Variants in RAB2A observed in about 807,000 individuals in gnomAD.
RAB2A encodes the protein RAB2A, member RAS oncogene family.
Under a neutral mutation model 32.5 loss-of-function variants are expected in RAB2A, and 7 were observed. That is an observed-to-expected ratio of 0.22 (90% CI 0.12 to 0.40). The LOEUF is 0.40. RAB2A is among the 10% of genes least tolerant of loss of function. The pLI, the probability that RAB2A is intolerant of heterozygous loss-of-function variation, is 1.00. For missense variants in RAB2A, 108 were observed against 260.7 expected (o/e 0.41, Z 4.03); for synonymous variants, 79 against 85.2 (o/e 0.93, Z 0.40).
intron 6 of RAB2A, among the ~76,000 whole-genome samples, chr8:60,594,873 G>A (rs1025103548): frequency 5.6e-4 from 85 of 152,156 alleles, no homozygotes; most frequent in African/African-American, 2.0e-3. Flanking sequence ...TCTTAATCCA[G>A]TCTACCATTG....
In RAB2A at chr8:60,591,892, G is replaced by T; in HGVS notation, c.397G>T (p.Glu133Ter). ...ATCTAGAAGAGAAGTAAAAAAAGAA[G>T]AAGGTGAAGCTTTTGCACGAGAACA... ...LESRREVKKEEGEAFAREHGL... is the reference protein window; with the variant it reads ...LESRREVKKE The change falls in exon 6 of 8, where the codon GAA becomes TAA. Residue 133 changes from glutamate (E) to a stop codon, truncating the protein, a stop_gained. Coordinates refer to ENST00000262646, the MANE Select transcript of RAB2A (RefSeq NM_002865.3). LOFTEE classifies it high-confidence loss of function. 1 of 1,612,564 alleles carries T rather than the reference G, an allele frequency of 6.2e-7. No individual in the cohort carries two copies. Among genetic ancestry groups the T allele is most frequent in the Non-Finnish European group, 8.5e-7 (1 of 1,178,950 alleles).
chr8:60,602,682 G>T (rs1364186493), intron 6 of RAB2A, among the ~76,000 whole-genome samples: 2 of 152,178 alleles, frequency 1.3e-5, no homozygotes, highest in Non-Finnish European at 2.9e-5. Flanking sequence ...GAATTATCCT[G>T]CAGAATTAGA....
chr8:60,560,022 T>A (rs1446199681), intron 2 of RAB2A, among the ~76,000 whole-genome samples: 1 of 152,224 alleles, frequency 6.6e-6, no homozygotes, highest in Non-Finnish European at 1.5e-5. Context: ...CTTTTGATAG[T>A]TTTAAGTGTA....
At chr8:60,526,841 C>T (rs761890281) in intron 1 of RAB2A, among the ~76,000 whole-genome samples, 17 of 152,006 alleles carry the variant, frequency 1.1e-4, no homozygotes, top group East Asian at 1.9e-4. Context: ...TGGCGGCATG[C>T]GCCTGTAATC....
intron 5 of RAB2A, among the ~76,000 whole-genome samples, chr8:60,590,138 T>G (rs1187975306): frequency 6.6e-6 from 1 of 152,056 alleles, no homozygotes; most frequent in Non-Finnish European, 1.5e-5. Context: ...ATTTTTGTAT[T>G]TTTGTAGAGA....
intron 3 of RAB2A, among the ~76,000 whole-genome samples, chr8:60,575,518 G>T (rs1414545140): frequency 6.6e-6 from 1 of 152,074 alleles, no homozygotes; most frequent in Non-Finnish European, 1.5e-5. Flanking sequence ...GGTAGCAAGG[G>T]TTATGTCTAT....
intron 1 of RAB2A, among the ~76,000 whole-genome samples, chr8:60,545,798 A>G (rs1203855175): frequency 6.6e-6 from 1 of 152,244 alleles, no homozygotes; most frequent in Non-Finnish European, 1.5e-5. Context: ...TATATCCAAG[A>G]TATCCACACC....
rs1022992864 is a variant in RAB2A, at chr8:60,589,734, T to G, written c.363-2124T>G. On this transcript the variant is annotated intron_variant, in intron 5 of 7. Coordinates refer to ENST00000262646, the MANE Select transcript of RAB2A (RefSeq NM_002865.3). ...TGTAATGCCTGGAAAACTGAGGTAT[T>G]TTTAAAACTTTGCACTAAGTATATC... 7.2e-5 allele frequency among the ~76,000 whole-genome samples: 11 copies of G among 152,304 alleles called. No homozygotes were observed. The South Asian group carries it at 1.5e-3, about 20-fold the overall frequency.
chr8:60,612,661 G>A (rs762827651), intron 6 of RAB2A, among the ~76,000 whole-genome samples: 1 of 152,154 alleles, frequency 6.6e-6, no homozygotes, highest in Non-Finnish European at 1.5e-5. Flanking sequence ...AATTATGTGT[G>A]GTCTTGGGCA....
intron 2 of RAB2A, among the ~76,000 whole-genome samples, chr8:60,560,936 C>T (rs1338244038): frequency 4.6e-5 from 7 of 152,110 alleles, no homozygotes; most frequent in Non-Finnish European, 8.8e-5. Flanking sequence ...TATAAACTGC[C>T]AGCTGGCGTC....
intron 2 of RAB2A, among the ~76,000 whole-genome samples, chr8:60,563,820 GCTA>G (rs1380708226): frequency 6.6e-6 from 1 of 151,952 alleles, no homozygotes; most frequent in African/African-American, 2.4e-5. Flanking sequence ...CTCTTGTGTT[GCTA>G]CTTTCCTCCT....
In RAB2A at chr8:60,531,648, A is replaced by G. The variant is rs560353726; in HGVS notation, c.46+14395A>G. Among the ~76,000 whole-genome samples the G allele has an allele frequency of 4.4e-4, 67 of 152,136 alleles. 1 individual carries two copies. The highest frequency in any genetic ancestry group is 9.6e-4 in the African/African-American group (40 of 41,528). ...CCACAAAATGGCTCTCCTTGATTCTATTGTCCTCCATGACTCAATAAAAGA... is the reference window on the plus strand; with the variant it reads ...CCACAAAATGGCTCTCCTTGATTCTGTTGTCCTCCATGACTCAATAAAAGA... On this transcript the variant is annotated intron_variant, in intron 1 of 7. Transcript: ENST00000262646.
intron 2 of RAB2A, among the ~76,000 whole-genome samples, chr8:60,566,839 C>T (rs1226043105): frequency 6.6e-6 from 1 of 152,158 alleles, no homozygotes; most frequent in Non-Finnish European, 1.5e-5. Flanking sequence ...TTAGCTCCTA[C>T]TTTATAAGCA....
At chr8:60,612,723 A>G (rs1804372947) in intron 6 of RAB2A, among the ~76,000 whole-genome samples, 1 of 152,222 alleles carries the variant, frequency 6.6e-6, no homozygotes, top group Non-Finnish European at 1.5e-5. Context: ...AGAAAATTAT[A>G]GATTGTAGAT....
At chr8:60,550,540 G>T (rs1267998752) in intron 1 of RAB2A, among the ~76,000 whole-genome samples, 1 of 151,870 alleles carries the variant, frequency 6.6e-6, no homozygotes, top group East Asian at 1.9e-4. Context: ...GCACCACCAT[G>T]CCTGGCTAAG....
intron 3 of RAB2A, chr8:60,576,338 T>G (rs1007846640): frequency 2.2e-6 from 1 of 454,736 alleles, no homozygotes; most frequent in Non-Finnish European, 4.4e-6. Flanking sequence ...CATTACTGCC[T>G]TGTTCTGCTC....
chr8:60,579,217 A>AT (rs1382837386), intron 3 of RAB2A, among the ~76,000 whole-genome samples: 1 of 151,950 alleles, frequency 6.6e-6, no homozygotes, highest in Non-Finnish European at 1.5e-5. Flanking sequence ...TAATTTTTGT[A>AT]TTTTTTGTAG....
intron 1 of RAB2A, among the ~76,000 whole-genome samples, chr8:60,538,243 A>G (rs192381280): frequency 6.6e-6 from 1 of 152,340 alleles, no homozygotes; most frequent in Admixed American, 6.5e-5. Flanking sequence ...TTGAAGACAA[A>G]CTATGTCTTT....
intron 1 of RAB2A, among the ~76,000 whole-genome samples, chr8:60,525,334 T>C (rs776472578): frequency 1.3e-5 from 2 of 152,176 alleles, no homozygotes; most frequent in African/African-American, 2.4e-5. Context: ...CCACGTAATA[T>C]GTGCCTGCTT....
Sources: gnomAD v4.1 joint callset for allele counts (sites outside exome capture counted in the v4.1 genomes callset) on GRCh38, gnomAD v4.1.1 for gene constraint, MANE v1.5 for transcripts, NCBI Gene and HGNC (gene_info 2026-07-23, HGNC 2026-07-21) for gene names.